The following ST14 variants were observed in gnomAD, a reference collection of about 807,000 sequenced individuals.
The protein encoded by ST14 is ST14 transmembrane serine protease matriptase.
A neutral mutation model predicts 96.5 loss-of-function variants in ST14; 40 were observed. The ratio of observed to expected loss-of-function variants is 0.41; its 90% confidence interval spans 0.32 to 0.54. The LOEUF is 0.54. ST14 is among the 20% of genes least tolerant of loss of function. The pLI, the probability that ST14 is intolerant of heterozygous loss-of-function variation, is 0.17. For missense variants in ST14, 1,066 were observed against 1,188.9 expected, an observed-to-expected ratio of 0.90 and a Z score of 1.52; for synonymous variants, 506 against 492.1, an observed-to-expected ratio of 1.03 and a Z score of -0.37.
rs1953534757 is a variant in ST14, at chr11:130,209,928, C to G, written c.*105C>G. 1 of 1,371,446 alleles carries G rather than the reference C, an allele frequency of 7.3e-7. No homozygotes were observed. The highest frequency in any genetic ancestry group is 1.4e-5 in the African/African-American group (1 of 70,422). The allele number at this position is 1,371,446 out of a possible 1,614,324, so 85.0% of individuals were successfully genotyped here. On this transcript the variant is annotated 3_prime_UTR_variant, in exon 19 of 19. Coordinates refer to ENST00000278742, the MANE Select transcript of ST14 (RefSeq NM_021978.4). ...TGGACCGCTGACTGCACCAGCGCCCCCAGAACATACACTGTGAACTCAATC... is the reference window on the plus strand; with the variant it reads ...TGGACCGCTGACTGCACCAGCGCCCGCAGAACATACACTGTGAACTCAATC...
intron 1 of ST14, among the ~76,000 whole-genome samples, chr11:130,176,298 T>C (rs1410818172): frequency 6.6e-6 from 1 of 152,088 alleles, no homozygotes; most frequent in Non-Finnish European, 1.5e-5. Flanking sequence ...ATGTCCTAAG[T>C]TCTCTGCAGG....
At chr11:130,177,392 G>A (rs1274449534) in intron 1 of ST14, among the ~76,000 whole-genome samples, 1 of 151,734 alleles carries the variant, frequency 6.6e-6, no homozygotes, top group African/African-American at 2.4e-5. Flanking sequence ...GTGAAACCCT[G>A]TCTGTACTAA....
In ST14 at chr11:130,209,564, G is replaced by A. The variant is rs531412139; in HGVS notation, c.2392G>A (p.Val798Met). ...MMCVGFLSGG[V>M]DSCQGDSGGP... ...GTGCGTGGGCTTCCTCAGCGGCGGC[G>A]TGGACTCCTGCCAGGTGGCCCCCGG... The change falls in exon 18 of 19, where the codon GTG becomes ATG. Residue 798 changes from valine to methionine, a missense_variant. Transcript: ENST00000278742. The A allele has an allele frequency of 4.4e-6, 7 of 1,575,590 alleles. No homozygotes were observed. The highest frequency in any genetic ancestry group is 1.7e-4 in the Middle Eastern group (1 of 5,988).
At chr11:130,160,253 G>A (rs1181180348) in intron 1 of ST14, among the ~76,000 whole-genome samples, 193 bp downstream of exon 1, 1 of 145,328 alleles carries the variant, frequency 6.9e-6, no homozygotes, top group Non-Finnish European at 1.5e-5. Flanking sequence ...GTACCGGACC[G>A]GCTGCGCCCC....
intron 1 of ST14, among the ~76,000 whole-genome samples, chr11:130,169,090 G>T (rs906839765): frequency 7.1e-6 from 1 of 140,590 alleles, no homozygotes; most frequent in African/African-American, 3.0e-5. Flanking sequence ...ATAATATAAT[G>T]GGTTTTTTTT....
chr11:130,164,297 C>G (rs1484156136), intron 1 of ST14, among the ~76,000 whole-genome samples: 1 of 152,128 alleles, frequency 6.6e-6, no homozygotes, highest in East Asian at 1.9e-4. Flanking sequence ...TTTTTCCTGC[C>G]AAGCTTCATT....
intron 14 of ST14, 43 bp downstream of exon 14, chr11:130,198,664 CT>C (rs974090789): frequency 6.4e-7 from 1 of 1,556,366 alleles, no homozygotes; most frequent in African/African-American, 1.4e-5. Context: ...GGCCTCGCCC[CT>C]GGAGGAGGCT....
chr11:130,193,103 GT>G (rs34913703), intron 7 of ST14, among the ~76,000 whole-genome samples: 40 of 148,784 alleles, frequency 2.7e-4, no homozygotes, highest in African/African-American at 8.9e-4. Flanking sequence ...TGCCAGGCAT[GT>G]TTTTTTTTTT....
intron 16 of ST14, among the ~76,000 whole-genome samples, chr11:130,206,817 C>A (rs954138351): frequency 6.6e-6 from 1 of 152,188 alleles, no homozygotes; most frequent in African/African-American, 2.4e-5. Context: ...ATCCACCCAC[C>A]TCGGCCTCCC....
Position 130,159,784 on chromosome 11 carries a change from G to A in ST14, c.-196G>A, listed in dbSNP as rs1029887116. On this transcript the variant is annotated 5_prime_UTR_variant, in exon 1 of 19. Transcript: ENST00000278742. ...ACCTGCGTGGGCCGGGCCGGAGTGT[G>A]AGAGCGGAGCTGCAGCCGGAGAAAG... The A allele has an allele frequency of 1.5e-5, 3 of 194,532 alleles. No individual in the cohort carries two copies. The highest frequency in any genetic ancestry group is 7.1e-5 in the African/African-American group (3 of 42,254). 12.1% of individuals were successfully genotyped at this position (194,532 alleles called of 1,614,324 possible). A position where few individuals can be genotyped will look rare whatever the true frequency, so the allele number is the denominator to read the frequency against.
rs1020349795 is a variant in ST14 at position 130,181,457 on chromosome 11, C to A, written c.82-6657C>A. Among the ~76,000 whole-genome samples, 3 of 152,188 alleles carry A rather than the reference C, an allele frequency of 2.0e-5. No individual in the cohort carries two copies. The highest frequency in any genetic ancestry group is 2.0e-4 in the Admixed American group (3 of 15,280). On this transcript the variant is annotated intron_variant, in intron 1 of 18. Coordinates refer to ENST00000278742, the MANE Select transcript of ST14 (RefSeq NM_021978.4). The surrounding 1 kb of genome is among the most constrained non-coding windows in gnomAD (Gnocchi z 4.1). ...TCTGTGTTTATGGTAAGCAGACACA[C>A]CTGGCTTCATAGCACCGTTTTATGT... is the stretch of plus-strand genomic sequence containing the variant.
intron 1 of ST14, among the ~76,000 whole-genome samples, chr11:130,185,773 A>G (rs1018703472): frequency 1.3e-5 from 2 of 152,236 alleles, no homozygotes; most frequent in Non-Finnish European, 2.9e-5. Flanking sequence ...AAAGCAAATT[A>G]GAAGCTAAAA....
intron 16 of ST14, 132 bp downstream of exon 16, chr11:130,200,269 T>C: frequency 2.0e-6 from 2 of 1,006,988 alleles, no homozygotes; most frequent in Admixed American, 2.2e-5. Context: ...CTTGAGTTGC[T>C]CTAAAGAAAT....
chr11:130,197,040 C>A (rs1307808502), intron 11 of ST14, among the ~76,000 whole-genome samples: 1 of 152,178 alleles, frequency 6.6e-6, no homozygotes, highest in Non-Finnish European at 1.5e-5. Context: ...CCTCTGTGGC[C>A]TGTTAGCACC....
chr11:130,164,541 T>C (rs1379381713), intron 1 of ST14, among the ~76,000 whole-genome samples: 1 of 151,418 alleles, frequency 6.6e-6, no homozygotes, highest in East Asian at 1.9e-4. Flanking sequence ...GCCTCAGCTT[T>C]CTCAGTAGCT....
chr11:130,192,490 G>A (rs976538929), intron 7 of ST14, among the ~76,000 whole-genome samples: 4 of 152,202 alleles, frequency 2.6e-5, no homozygotes, highest in Non-Finnish European at 4.4e-5. Context: ...CTGGGTTCAT[G>A]CGATTCTCCT....
rs476106 is a variant in ST14 at position 130,196,440 on chromosome 11, C to T, written c.1215C>T (p.Asn405=). 0.65 allele frequency: 1,042,203 copies of T among 1,605,692 alleles called. 342,918 individuals carry two copies. The highest frequency in any genetic ancestry group is 0.79 in the Admixed American group (46,340 of 58,900). ...GTCPKDYVEI[N]GEKYCGERSQ... ...GCCCCAAGGACTACGTGGAGATCAA[C>T]GGGGAGAAGTGAGTCCCCGGGGGTA... Residue 405 remains asparagine (N), a synonymous_variant, in exon 10 of 19, where the codon AAC becomes AAT. Coordinates refer to ENST00000278742, the MANE Select transcript of ST14 (RefSeq NM_021978.4).
intron 1 of ST14, among the ~76,000 whole-genome samples, chr11:130,180,926 C>T (rs796898107): frequency 3.0e-4 from 46 of 152,250 alleles, no homozygotes; most frequent in African/African-American, 9.9e-4. Flanking sequence ...TGAAATAGGG[C>T]GTGCTCTAGG....
At chr11:130,164,708 C>T (rs888783834) in intron 1 of ST14, among the ~76,000 whole-genome samples, 1 of 144,994 alleles carries the variant, frequency 6.9e-6, no homozygotes, top group Non-Finnish European at 1.5e-5. Flanking sequence ...TGTGAGCCCC[C>T]ACACCCAGCC....
Sources: gnomAD v4.1 joint callset for allele counts (sites outside exome capture counted in the v4.1 genomes callset) on GRCh38, gnomAD v4.1.1 for gene constraint, Gnocchi (gnomAD v3.1) non-coding constraint, MANE v1.5 for transcripts, NCBI Gene and HGNC (gene_info 2026-07-23, HGNC 2026-07-21) for gene names.